Variants in PDZD2 observed in about 807,000 individuals in gnomAD.
The protein encoded by PDZD2 is PDZ domain-containing protein 2.
In PDZD2, 90 loss-of-function variants were observed where a neutral mutation model predicts 220.7. The observed-to-expected ratio is 0.41, with a 90% CI of 0.34 to 0.49. PDZD2 has a LOEUF of 0.49. PDZD2 is among the 20% of genes least tolerant of loss of function. The pLI is 0.28. For synonymous variants in PDZD2, 1,375 were observed against 1,450.5 expected (o/e 0.95, Z 1.18); for missense variants, 3,174 against 3,608.5 (o/e 0.88, Z 3.08).
chr5:31,718,420 T>C (rs1239664704), intron 1 of PDZD2, among the ~76,000 whole-genome samples: 1 of 152,166 alleles, frequency 6.6e-6, no homozygotes, highest in Non-Finnish European at 1.5e-5. Context: ...AAAGGCATCT[T>C]AGTCTGCCTG....
chr5:31,692,060 C>CGGGGTGGCGCTCATTGGGGAGGCT (rs1434405524), intron 1 of PDZD2, among the ~76,000 whole-genome samples: 27 of 152,266 alleles, frequency 1.8e-4, no homozygotes, highest in South Asian at 6.2e-4. Context: ...CAGTGGAGCA[C>CGGGGTGGCGCTCATTGGGGAGGCT]GGGGTGGCGC....
intron 1 of PDZD2, among the ~76,000 whole-genome samples, chr5:31,710,153 A>C (rs1748021966): frequency 6.6e-6 from 1 of 152,174 alleles, no homozygotes; most frequent in South Asian, 2.1e-4. Context: ...TCAAAGAAAA[A>C]TAACTGGTCC....
intron 2 of PDZD2, among the ~76,000 whole-genome samples, chr5:31,906,743 T>C (rs1475063864): frequency 6.6e-6 from 1 of 151,982 alleles, no homozygotes; most frequent in African/African-American, 2.4e-5. Context: ...GTTGGGAGGA[T>C]AAGGCAGGAG....
intron 2 of PDZD2, among the ~76,000 whole-genome samples, chr5:31,913,531 C>T (rs1743389278): frequency 6.6e-6 from 1 of 152,080 alleles, no homozygotes; most frequent in Non-Finnish European, 1.5e-5. Context: ...ACTCTGGATG[C>T]AGTGTCTGAT....
chr5:32,044,846 T>C (rs974889858), intron 7 of PDZD2, among the ~76,000 whole-genome samples: 2 of 152,164 alleles, frequency 1.3e-5, no homozygotes, highest in African/African-American at 4.8e-5. Context: ...GAGTGGATAG[T>C]GGAAGATAAG....
intron 2 of PDZD2, among the ~76,000 whole-genome samples, chr5:31,869,451 T>C (rs896478930): frequency 2.6e-5 from 4 of 151,944 alleles, no homozygotes; most frequent in Non-Finnish European, 5.9e-5. Flanking sequence ...TAGTCCCAGC[T>C]ACTTGGGAGG....
chr5:31,899,157 T>A (rs1007457270), intron 2 of PDZD2, among the ~76,000 whole-genome samples: 2 of 148,196 alleles, frequency 1.3e-5, no homozygotes, highest in Admixed American at 6.7e-5. Context: ...GATGGAGTTT[T>A]GCTCTGTCGC....
At chr5:31,879,884 G>A (rs1384460495) in intron 2 of PDZD2, among the ~76,000 whole-genome samples, 1 of 148,068 alleles carries the variant, frequency 6.8e-6, no homozygotes, top group South Asian at 2.1e-4. Flanking sequence ...CTGCTAAACT[G>A]CTTACAGTTT....
At chr5:31,674,523 AT>A (rs1746331509) in intron 1 of PDZD2, among the ~76,000 whole-genome samples, 1 of 152,242 alleles carries the variant, frequency 6.6e-6, no homozygotes, top group African/African-American at 2.4e-5. Context: ...TGAAAGCCAG[AT>A]GTCTAGAAAC....
At chr5:31,668,851 G>T (rs29760) in intron 1 of PDZD2, among the ~76,000 whole-genome samples, 144,191 of 152,094 alleles carry the variant, frequency 0.95, 68,845 homozygotes, top group East Asian at 1. Context: ...TTTCTTGGTG[G>T]TGTTGTTTTT....
intron 1 of PDZD2, among the ~76,000 whole-genome samples, chr5:31,645,695 T>G (rs915392516): frequency 6.6e-6 from 1 of 152,148 alleles, no homozygotes; most frequent in Admixed American, 6.6e-5. Flanking sequence ...CCCTAGACTT[T>G]ATCATCCAAG....
At chr5:31,967,746 G>A (rs1748883302) in intron 2 of PDZD2, among the ~76,000 whole-genome samples, 1 of 152,126 alleles carries the variant, frequency 6.6e-6, no homozygotes, top group African/African-American at 2.4e-5. Flanking sequence ...AGGATGCCCT[G>A]GATTTTCTGT....
chr5:31,869,539 G>A (rs1207192681), intron 2 of PDZD2, among the ~76,000 whole-genome samples: 1 of 152,012 alleles, frequency 6.6e-6, no homozygotes, highest in African/African-American at 2.4e-5. Flanking sequence ...ACTCCAGCCT[G>A]GGCGACAGAG....
chr5:32,075,937 A>G (rs1336863606), intron 18 of PDZD2, among the ~76,000 whole-genome samples: 1 of 152,178 alleles, frequency 6.6e-6, no homozygotes, highest in African/African-American at 2.4e-5. Flanking sequence ...TTTTACCTCC[A>G]ACCACTACCT....
At chr5:32,012,973 G>A (rs1249414706) in intron 6 of PDZD2, among the ~76,000 whole-genome samples, 2 of 151,656 alleles carry the variant, frequency 1.3e-5, no homozygotes, top group Non-Finnish European at 2.9e-5. Context: ...AAATGTTTTT[G>A]ACCAAAAAAA....
chr5:31,815,245 C>CAAAAAAAAAAAAAAAAAAAAAAAAAA (rs59040987), intron 2 of PDZD2, among the ~76,000 whole-genome samples: 1 of 57,916 alleles, frequency 1.7e-5, no homozygotes, highest in African/African-American at 6.8e-5. Context: ...AACTCTGTCT[C>CAAAAAAAAAAAAAAAAAAAAAAAAAA]AAAAAAAAAA....
chr5:32,054,693 G>A (rs1738939521), intron 10 of PDZD2, among the ~76,000 whole-genome samples: 1 of 152,066 alleles, frequency 6.6e-6, no homozygotes, highest in African/African-American at 2.4e-5. Flanking sequence ...CTAGACAAGT[G>A]CTTCTGAATG....
rs1255367080 is a variant in PDZD2, at chr5:32,054,310, A to ATCTT, written c.1900+429_1900+432dup. Among the ~76,000 whole-genome samples, 19 of 58,592 alleles carry ATCTT rather than the reference A, an allele frequency of 3.2e-4. 1 individual carries two copies. Among genetic ancestry groups the ATCTT allele is most frequent in the African/African-American group, 1.4e-3 (19 of 14,070 alleles). 38.4% of individuals were successfully genotyped at this position (58,592 alleles called of 152,430 possible). On this transcript the variant is annotated intron_variant, in intron 10 of 24. Transcript: ENST00000438447. Reference sequence around the variant, plus strand: ...CACATAGTCTGGTTCCTAAATGAACATCTTTTTTTTTTTTTTTTTTTTTTT... The same window carrying ATCTT: ...CACATAGTCTGGTTCCTAAATGAACATCTTTCTTTTTTTTTTTTTTTTTTTTTTT...
At chr5:32,014,691 C>T (rs1753600776) in intron 6 of PDZD2, among the ~76,000 whole-genome samples, 1 of 136,830 alleles carries the variant, frequency 7.3e-6, no homozygotes, top group Admixed American at 7.3e-5. Context: ...ATTTTCTGCT[C>T]TGCAATGACA....
Sources: allele counts gnomAD v4.1 joint callset (sites outside exome capture counted in the v4.1 genomes callset), GRCh38; gene constraint gnomAD v4.1.1; transcripts MANE v1.5; gene names NCBI Gene and HGNC (gene_info 2026-07-23, HGNC 2026-07-21).